MARK2: variants seen among roughly 807,000 people sequenced by gnomAD.
MARK2 encodes the protein microtubule affinity regulating kinase 2.
Under a neutral mutation model 89.8 loss-of-function variants are expected in MARK2, and 16 were observed. The observed-to-expected ratio is 0.18, with a 90% CI of 0.12 to 0.27. The LOEUF (loss-of-function observed/expected upper bound fraction) is 0.27, where lower values mean the gene tolerates loss of function less well. Ranked by LOEUF, MARK2 falls within the 10% of genes least tolerant of loss-of-function variation. The pLI, the probability that MARK2 is intolerant of heterozygous loss-of-function variation, is 1.00. For synonymous variants in MARK2, 382 were observed against 399.5 expected, an observed-to-expected ratio of 0.96 and a Z score of 0.52; for missense variants, 621 against 1,049.9, an observed-to-expected ratio of 0.59 and a Z score of 5.65.
chr11:63,845,534 A>G (rs996111854), intron 1 of MARK2, among the ~76,000 whole-genome samples: 11 of 152,056 alleles, frequency 7.2e-5, no homozygotes, highest in Admixed American at 5.9e-4. Flanking sequence ...AGTGTTGTCT[A>G]TGCATTTTCT....
At chr11:63,870,503 C>T (rs1391168815) in intron 1 of MARK2, among the ~76,000 whole-genome samples, 2 of 152,104 alleles carry the variant, frequency 1.3e-5, no homozygotes, top group Non-Finnish European at 2.9e-5. Context: ...ACTCTGACCC[C>T]GAGACTTCCC....
At chr11:63,893,219 A>G (rs224173) in intron 1 of MARK2, among the ~76,000 whole-genome samples, 40,571 of 146,632 alleles carry the variant, frequency 0.28, 7,007 homozygotes, top group Non-Finnish European at 0.38. Flanking sequence ...GAGTCTCCCT[A>G]TGTTGCCCAG....
intron 7 of MARK2, among the ~76,000 whole-genome samples, chr11:63,899,600 C>G (rs1940702876): frequency 6.6e-6 from 1 of 152,218 alleles, no homozygotes; most frequent in Non-Finnish European, 1.5e-5. Flanking sequence ...TTTGATTAAC[C>G]TGGGCCTGAT....
At position 63,904,149 on chromosome 11, in the gene MARK2, C is replaced by T; in HGVS notation, c.1676+2C>T. The T allele has an allele frequency of 6.4e-7, 1 of 1,569,024 alleles. No individual in the cohort carries two copies. Among genetic ancestry groups the T allele is most frequent in the Non-Finnish European group, 8.6e-7 (1 of 1,163,238 alleles). ...TAACTGTGAGGTGCCGCGGCCCAGGCAAGTGTGCTGGGGCAGCTGGTGCAC... is the reference window on the plus strand; with the variant it reads ...TAACTGTGAGGTGCCGCGGCCCAGGTAAGTGTGCTGGGGCAGCTGGTGCAC... On this transcript the variant is annotated splice_donor_variant, in intron 15 of 18. Coordinates refer to ENST00000402010, the MANE Select transcript of MARK2 (RefSeq NM_001039469.3). LOFTEE classifies it low-confidence loss of function (GC_TO_GT_DONOR). This position sits in a 1 kb window ranked among gnomAD's most constrained non-coding sequence, Gnocchi z 6.3.
At chr11:63,867,800 A>G (rs915449178) in intron 1 of MARK2, among the ~76,000 whole-genome samples, 2 of 152,170 alleles carry the variant, frequency 1.3e-5, no homozygotes, top group East Asian at 3.8e-4. Flanking sequence ...GCCAGGTCCT[A>G]GCTGGAAGTG....
intron 1 of MARK2, among the ~76,000 whole-genome samples, chr11:63,852,580 G>A (rs2016625107): frequency 6.6e-6 from 1 of 151,220 alleles, no homozygotes; most frequent in African/African-American, 2.4e-5. Flanking sequence ...TCAACCCATA[G>A]CTGCAACTTG....
chr11:63,899,037 CT>C lies in MARK2; in HGVS notation c.475-13del, dbSNP rs751059432. On this transcript the variant is annotated splice_polypyrimidine_tract_variant and intron_variant, in intron 6 of 18. Coordinates refer to ENST00000402010, the MANE Select transcript of MARK2 (RefSeq NM_001039469.3). ...CTCAGGCACCCCTGGGTTAACCCTT[CT>C]TCCTTCCTTTCAGATAGTGTCTGCT... The C allele has an allele frequency of 6.2e-7, 1 of 1,604,050 alleles. No homozygotes were observed. The highest frequency in any genetic ancestry group is 1.7e-5 in the Admixed American group (1 of 60,016).
At position 63,890,298 on chromosome 11, in the gene MARK2, A is replaced by G. The variant is rs911230682; in HGVS notation, c.55-4861A>G. On this transcript the variant is annotated intron_variant, in intron 1 of 18. Coordinates refer to ENST00000402010, the MANE Select transcript of MARK2 (RefSeq NM_001039469.3). Reference sequence around the variant, plus strand: ...AGCATAGAAGAAGGGGTGCAGGGGTAAGTAAGGGAAGGATTGAGCACTTGG... The same window carrying G: ...AGCATAGAAGAAGGGGTGCAGGGGTGAGTAAGGGAAGGATTGAGCACTTGG... The G allele has an allele frequency of 5.2e-6, 7 of 1,341,514 alleles. No homozygotes were observed. In the African/African-American group the frequency reaches 7.4e-5, roughly 14 times the overall value. The allele number at this position is 1,341,514 out of a possible 1,614,324, so 83.1% of individuals were successfully genotyped here. A position where few individuals can be genotyped will look rare whatever the true frequency, so the allele number is the denominator to read the frequency against.
chr11:63,896,624 G>A (rs7118913), intron 3 of MARK2, among the ~76,000 whole-genome samples: 74,429 of 152,002 alleles, frequency 0.49, 20,214 homozygotes, highest in East Asian at 0.89. Context: ...AATTAGAGTG[G>A]ATGAGTTGTT....
chr11:63,855,339 C>G (rs1396719381), intron 1 of MARK2, among the ~76,000 whole-genome samples: 1 of 152,016 alleles, frequency 6.6e-6, no homozygotes, highest in Non-Finnish European at 1.5e-5. Context: ...TGCAACATGG[C>G]AAGACCTCAT....
chr11:63,890,938 G>C (rs1274935516), intron 1 of MARK2, among the ~76,000 whole-genome samples: 2 of 152,204 alleles, frequency 1.3e-5, no homozygotes, highest in African/African-American at 4.8e-5. Flanking sequence ...GATCCTCCCT[G>C]GCACAGATGT....
intron 3 of MARK2, among the ~76,000 whole-genome samples, chr11:63,897,539 G>A (rs1314815570): frequency 6.6e-6 from 1 of 152,226 alleles, no homozygotes; most frequent in African/African-American, 2.4e-5. Flanking sequence ...GATGAGGCCT[G>A]AAATTACAAA....
chr11:63,890,097 T>A, intron 1 of MARK2: 1 of 451,602 alleles, frequency 2.2e-6, no homozygotes, highest in South Asian at 1.7e-5. Flanking sequence ...TACTCTTACC[T>A]CTTTATCCTT....
intron 3 of MARK2, 92 bp downstream of exon 3, chr11:63,895,725 A>G: frequency 7.8e-6 from 9 of 1,147,216 alleles, no homozygotes; most frequent in Non-Finnish European, 8.9e-6. Flanking sequence ...GCTGGAGTGC[A>G]ATGGTGTGAT....
intron 1 of MARK2, among the ~76,000 whole-genome samples, chr11:63,874,944 A>G (rs1034257469): frequency 6.6e-6 from 1 of 151,972 alleles, no homozygotes; most frequent in African/African-American, 2.4e-5. Context: ...TGAGAAGAGG[A>G]TAATTTCATT....
chr11:63,848,543 C>T (rs141641854), intron 1 of MARK2, among the ~76,000 whole-genome samples: 5,402 of 149,862 alleles, frequency 0.036, 289 homozygotes, highest in African/African-American at 0.12. Context: ...CCAGCACACC[C>T]GGCTAATTTT....
chr11:63,877,100 CTTTTTTT>C (rs757123411), intron 1 of MARK2, among the ~76,000 whole-genome samples: 4 of 79,468 alleles, frequency 5.0e-5, no homozygotes, highest in East Asian at 6.2e-4. Flanking sequence ...CAATCAGACT[CTTTTTTT>C]TTTTTTTTTT....
In MARK2 at chr11:63,900,871, G is replaced by A. The variant is rs774000976; in HGVS notation, c.980G>A (p.Arg327Gln). 1.1e-5 allele frequency: 17 copies of A among 1,614,024 alleles called. No homozygotes were observed. Among genetic ancestry groups the A allele is most frequent in the Admixed American group, 1.7e-5 (1 of 60,008 alleles). Residue 327 changes from arginine to glutamine, a missense_variant, in exon 10 of 19, where the codon CGG (arginine) becomes CAG (glutamine). Transcript: ENST00000402010. The surrounding 1 kb of genome is among the most constrained non-coding windows in gnomAD (Gnocchi z 4.7). ...CCACTCCCTGACTACAAGGACCCCC[G>A]GCGGACAGGTGAGGCTGTGCCGGGC... ...VEPLPDYKDP[R>Q]RTELMVSMGY... is the part of the protein sequence containing the mutation.
chr11:63,902,503 C>A lies in MARK2; in HGVS notation c.1235-98C>A. On this transcript the variant is annotated intron_variant, in intron 12 of 18. Coordinates refer to ENST00000402010, the MANE Select transcript of MARK2 (RefSeq NM_001039469.3). This position sits in a 1 kb window ranked among gnomAD's most constrained non-coding sequence, Gnocchi z 4.2. ...CTCGCCTCTGTGGAATGGGGGCTTG[C>A]TGGGTTGTTGGCCAGCCCTGTAGGA... 1.4e-6 allele frequency: 2 copies of A among 1,406,670 alleles called. No individual in the cohort carries two copies. The highest frequency in any genetic ancestry group is 2.0e-6 in the Non-Finnish European group (2 of 1,017,274). 87.1% of individuals were successfully genotyped at this position (1,406,670 alleles called of 1,614,324 possible). A position where few individuals can be genotyped will look rare whatever the true frequency, so the allele number is the denominator to read the frequency against.
Sources: allele counts gnomAD v4.1 joint callset (sites outside exome capture counted in the v4.1 genomes callset), GRCh38; gene constraint gnomAD v4.1.1; non-coding constraint Gnocchi (gnomAD v3.1); transcripts MANE v1.5; gene names NCBI Gene and HGNC (gene_info 2026-07-23, HGNC 2026-07-21).